The following PRKN variants were observed in gnomAD, a reference collection of about 807,000 sequenced individuals.
The protein encoded by PRKN is E3 ubiquitin-protein ligase parkin.
Under a neutral mutation model 59.5 loss-of-function variants are expected in PRKN, and 56 were observed. The ratio of observed to expected loss-of-function variants is 0.94; its 90% CI spans 0.76 to 1.18. The LOEUF is 1.18. Among genes scored for constraint, PRKN ranks in the 50% most tolerant of loss-of-function variants. PRKN has a pLI of 0.00. For synonymous variants in PRKN, 250 were observed against 222.1 expected (o/e 1.13, Z -1.12); for missense variants, 657 against 596.4 (o/e 1.10, Z -1.06).
intron 2 of PRKN, among the ~76,000 whole-genome samples, chr6:162,282,873 A>T (rs1431798937): frequency 1.3e-5 from 2 of 152,176 alleles, no homozygotes; most frequent in Admixed American, 1.3e-4. Flanking sequence ...ATGTTTCTGA[A>T]ATTTTAAAAA....
At chr6:162,021,392 T>A (rs1219780266) in intron 5 of PRKN, among the ~76,000 whole-genome samples, 3 of 146,430 alleles carry the variant, frequency 2.0e-5, no homozygotes, top group Non-Finnish European at 4.5e-5. Context: ...TTATGAAGAC[T>A]AGAATCTGTT....
chr6:161,774,062 C>T (rs1239901401), intron 7 of PRKN, among the ~76,000 whole-genome samples: 2 of 152,088 alleles, frequency 1.3e-5, no homozygotes, highest in Non-Finnish European at 2.9e-5. Context: ...GCAGCATTTC[C>T]AAGGCCAAAA....
rs1779519895 is a variant in PRKN at position 161,538,904 on chromosome 6, C to T, written c.1083+9950G>A. ...CATTCTGTGTGGGCTCCCTTGAACT[C>T]TGCCTAAATGTCATGAACAACAGGA... On this transcript the variant is annotated intron_variant, in intron 9 of 11. Transcript: ENST00000366898. The surrounding 1 kb of genome is among the most constrained non-coding windows in gnomAD (Gnocchi z 4.2). Among the ~76,000 whole-genome samples the T allele has an allele frequency of 6.6e-6, 1 of 152,180 alleles. No individual in the cohort carries two copies. The highest frequency in any genetic ancestry group is 2.4e-5 in the African/African-American group (1 of 41,450).
chr6:162,574,029 T>A (rs1012423), intron 1 of PRKN, among the ~76,000 whole-genome samples: 3 of 151,922 alleles, frequency 2.0e-5, no homozygotes, highest in Non-Finnish European at 2.9e-5. Context: ...AGAACTGTGC[T>A]GAGGACGATG....
chr6:162,201,088 T>C, intron 4 of PRKN, 43 bp downstream of exon 4: 2 of 1,608,620 alleles, frequency 1.2e-6, no homozygotes, highest in East Asian at 2.2e-5. Flanking sequence ...TTAGTACACA[T>C]TCATTTTCCT....
Position 162,370,423 on chromosome 6 carries a change from CT to C in PRKN, c.171+72886del, listed in dbSNP as rs1270577893. 2.0e-5 allele frequency among the ~76,000 whole-genome samples: 3 copies of C among 151,942 alleles called. No individual in the cohort carries two copies. In the East Asian group the frequency reaches 5.8e-4, roughly 29 times the overall value. On this transcript the variant is annotated intron_variant, in intron 2 of 11. Transcript: ENST00000366898. ...CAAGGATGTTGTATAAATATTCGTC[CT>C]TGTGTCACTATTTTATTGGCTTGAG...
At chr6:162,197,663 C>T (rs1784549160) in intron 4 of PRKN, among the ~76,000 whole-genome samples, 1 of 152,060 alleles carries the variant, frequency 6.6e-6, no homozygotes, top group African/African-American at 2.4e-5. Flanking sequence ...CTCATGGAGT[C>T]TCTTTGTAAA....
At chr6:161,589,562 C>T (rs1380745086) in intron 7 of PRKN, among the ~76,000 whole-genome samples, 4 of 151,230 alleles carry the variant, frequency 2.6e-5, no homozygotes, top group African/African-American at 4.9e-5. Flanking sequence ...TCAAAAGTTT[C>T]GACATGTAAG....
chr6:161,804,312 A>C (rs1448791604), intron 6 of PRKN, among the ~76,000 whole-genome samples: 1 of 152,194 alleles, frequency 6.6e-6, no homozygotes, highest in Non-Finnish European at 1.5e-5. Context: ...TCTGGTGATG[A>C]GCAGTGTGGA....
At chr6:161,873,989 TAAAATATA>T (rs1463175737) in intron 6 of PRKN, among the ~76,000 whole-genome samples, 4,761 of 63,352 alleles carry the variant, frequency 0.075, 1,418 homozygotes, top group Non-Finnish European at 0.11. Context: ...AATATATATG[TAAAATATA>T]ATATATAAAA....
At chr6:161,555,064 T>C (rs1468934253) in intron 8 of PRKN, among the ~76,000 whole-genome samples, 3 of 152,160 alleles carry the variant, frequency 2.0e-5, no homozygotes, top group Non-Finnish European at 2.9e-5. Context: ...GTTTTTCTTA[T>C]GTCATTTCTA....
intron 6 of PRKN, among the ~76,000 whole-genome samples, chr6:161,905,792 C>G (rs1016580301): frequency 6.6e-6 from 1 of 151,780 alleles, no homozygotes; most frequent in Non-Finnish European, 1.5e-5. Flanking sequence ...GAAACCCTGT[C>G]TCTACCAAAA....
rs558574876 is a variant in PRKN at position 161,499,552 on chromosome 6, G to A, written c.1083+49302C>T. ...TCTAGCCTCTTGCATCTACCTCTAT[G>A]GTTTGACTTCTGAAAATGTGGTCCC... On this transcript the variant is annotated intron_variant, in intron 9 of 11. Coordinates refer to ENST00000366898, the MANE Select transcript of PRKN (RefSeq NM_004562.3). The surrounding 1 kb of genome is among the most constrained non-coding windows in gnomAD (Gnocchi z 4.2). 2.6e-5 allele frequency among the ~76,000 whole-genome samples: 4 copies of A among 152,026 alleles called. No individual in the cohort carries two copies. The highest frequency in any genetic ancestry group is 5.9e-5 in the Non-Finnish European group (4 of 68,006).
intron 9 of PRKN, among the ~76,000 whole-genome samples, chr6:161,474,158 G>A (rs1007861669): frequency 7.9e-5 from 12 of 152,118 alleles, no homozygotes; most frequent in South Asian, 4.1e-4. Context: ...GTATTATGGC[G>A]CCACTGTTTA....
intron 7 of PRKN, among the ~76,000 whole-genome samples, chr6:161,678,960 C>T (rs1018545646): frequency 6.6e-6 from 1 of 152,104 alleles, no homozygotes; most frequent in African/African-American, 2.4e-5. Flanking sequence ...TTGGTGACCC[C>T]CAGGAGAAGT....
At chr6:162,603,339 G>A (rs533826101) in intron 1 of PRKN, among the ~76,000 whole-genome samples, 65 of 152,230 alleles carry the variant, frequency 4.3e-4, no homozygotes, top group Admixed American at 2.6e-3. Context: ...ATACATACTC[G>A]CTTTCTCTTC....
At chr6:162,628,158 G>A (rs889414567) in intron 1 of PRKN, among the ~76,000 whole-genome samples, 5 of 152,096 alleles carry the variant, frequency 3.3e-5, no homozygotes, top group African/African-American at 1.2e-4. Flanking sequence ...GGGAAATAAG[G>A]CAGAGAAAAA....
At chr6:161,635,797 G>C (rs1186205198) in intron 7 of PRKN, among the ~76,000 whole-genome samples, 1 of 152,108 alleles carries the variant, frequency 6.6e-6, no homozygotes, top group Non-Finnish European at 1.5e-5. Flanking sequence ...TAATGATCAA[G>C]GAAATCTCAG....
intron 2 of PRKN, among the ~76,000 whole-genome samples, chr6:162,393,152 A>ATTTTTT (rs1369959830): frequency 3.8e-5 from 3 of 78,098 alleles, no homozygotes; most frequent in South Asian, 4.8e-4. Context: ...AGGATAGGAG[A>ATTTTTT]TTCTTTTTTT....
Sources: allele counts gnomAD v4.1 joint callset (sites outside exome capture counted in the v4.1 genomes callset), GRCh38; gene constraint gnomAD v4.1.1; non-coding constraint Gnocchi (gnomAD v3.1); transcripts MANE v1.5; gene names NCBI Gene and HGNC (gene_info 2026-07-23, HGNC 2026-07-21).